CDH4: variants seen among roughly 807,000 people sequenced by gnomAD.
CDH4 encodes the protein cadherin-4.
CDH4 carries 33 observed loss-of-function variants against 86.0 expected under a neutral mutation model. The observed-to-expected ratio is 0.38, with a 90% confidence interval of 0.29 to 0.51. The LOEUF is 0.51. CDH4 is among the 20% of genes least tolerant of loss of function. The pLI, the probability that CDH4 is intolerant of heterozygous loss-of-function variation, is 0.86. For missense variants in CDH4, 1,114 were observed against 1,307.4 expected, an observed-to-expected ratio of 0.85 and a Z score of 2.28; for synonymous variants, 555 against 549.4, an observed-to-expected ratio of 1.01 and a Z score of -0.14.
chr20:61,597,792 A>C (rs2086567810), intron 2 of CDH4, among the ~76,000 whole-genome samples: 1 of 152,114 alleles, frequency 6.6e-6, no homozygotes, highest in Non-Finnish European at 1.5e-5. Flanking sequence ...TGTTCATCCA[A>C]AGTGGACAAA....
chr20:61,401,000 ATC>A (rs549870706), intron 2 of CDH4, among the ~76,000 whole-genome samples: 13 of 152,172 alleles, frequency 8.5e-5, no homozygotes, highest in Non-Finnish European at 1.6e-4. Flanking sequence ...CAACCCTGTC[ATC>A]TTCCACCCAT....
chr20:61,753,854 G>A (rs1050431477), intron 3 of CDH4, among the ~76,000 whole-genome samples: 17 of 152,118 alleles, frequency 1.1e-4, no homozygotes, highest in Admixed American at 9.2e-4. Flanking sequence ...CCTTTGGGCT[G>A]AACTATGTCC....
At chr20:61,606,467 G>T (rs999912543) in intron 2 of CDH4, among the ~76,000 whole-genome samples, 3 of 152,204 alleles carry the variant, frequency 2.0e-5, no homozygotes, top group African/African-American at 7.2e-5. Context: ...CACCTCTGTC[G>T]CAAAGCCTGA....
chr20:61,745,665 G>A (rs952430855), intron 3 of CDH4, among the ~76,000 whole-genome samples: 1 of 152,218 alleles, frequency 6.6e-6, no homozygotes, highest in Non-Finnish European at 1.5e-5. Context: ...GGTGAGCAAG[G>A]CAGGCCCTTG....
chr20:61,602,139 A>G (rs2086606126), intron 2 of CDH4, among the ~76,000 whole-genome samples: 1 of 152,188 alleles, frequency 6.6e-6, no homozygotes. Context: ...TGAATGCAGC[A>G]GGTCCTCATC....
Position 61,680,092 on chromosome 20 carries a change from C to G in CDH4, c.170-63471C>G, listed in dbSNP as rs182920131. 2.0e-3 allele frequency among the ~76,000 whole-genome samples: 310 copies of G among 152,328 alleles called. 1 individual carries two copies. The highest frequency in any genetic ancestry group is 7.7e-3 in the South Asian group (37 of 4,822). ...AGCCATGGAGGACCCTGCCCCAGGG[C>G]TGCACCCTGCATCCTGAAGCGAGGA... On this transcript the variant is annotated intron_variant, in intron 2 of 15. Coordinates refer to ENST00000614565, the MANE Select transcript of CDH4 (RefSeq NM_001794.5).
chr20:61,716,938 A>G (rs1180572529), intron 2 of CDH4, among the ~76,000 whole-genome samples: 4 of 152,072 alleles, frequency 2.6e-5, no homozygotes, highest in African/African-American at 9.7e-5. Flanking sequence ...AATAAAATCC[A>G]AGGTCCTTGA....
intron 2 of CDH4, among the ~76,000 whole-genome samples, chr20:61,463,053 A>T (rs1600696500): frequency 6.6e-6 from 1 of 152,194 alleles, no homozygotes; most frequent in East Asian, 1.9e-4. Flanking sequence ...CATGGCAGTG[A>T]ATAAGTCTCA....
chr20:61,832,068 T>C (rs1981646518), intron 4 of CDH4, among the ~76,000 whole-genome samples: 1 of 152,204 alleles, frequency 6.6e-6, no homozygotes, highest in African/African-American at 2.4e-5. Flanking sequence ...CCAGGCCTGG[T>C]AGATGTACCC....
chr20:61,710,774 T>C (rs531618772), intron 2 of CDH4, among the ~76,000 whole-genome samples: 3 of 152,338 alleles, frequency 2.0e-5, no homozygotes, highest in African/African-American at 7.2e-5. Flanking sequence ...TGCTCACTTA[T>C]TCACTCAACA....
chr20:61,784,587 G>A (rs73611573), intron 4 of CDH4, among the ~76,000 whole-genome samples: 8,151 of 31,988 alleles, frequency 0.25, 120 homozygotes, highest in East Asian at 0.31. Context: ...AGTTCCTCGG[G>A]ACAGTTCTCC....
rs2085704650 is a variant in CDH4, at chr20:61,501,971, A to G, written c.170-241592A>G. On this transcript the variant is annotated intron_variant, in intron 2 of 15. Transcript: ENST00000614565. This position sits in a 1 kb window ranked among gnomAD's most constrained non-coding sequence, Gnocchi z 4.2. Reference sequence around the variant, plus strand: ...GTAAGATGAACCGAGTGGGCACGTTAGCCCAGGCCGTTACCCTTTAGTGGG... The same window carrying G: ...GTAAGATGAACCGAGTGGGCACGTTGGCCCAGGCCGTTACCCTTTAGTGGG... Among the ~76,000 whole-genome samples, 1 of 152,124 alleles carries G rather than the reference A, an allele frequency of 6.6e-6. No homozygotes were observed. The highest frequency in any genetic ancestry group is 2.4e-5 in the African/African-American group (1 of 41,414).
At chr20:61,553,103 TATAAAG>T (rs2145675864) in intron 2 of CDH4, among the ~76,000 whole-genome samples, 1 of 152,286 alleles carries the variant, frequency 6.6e-6, no homozygotes, top group East Asian at 1.9e-4. Context: ...TATTCAGCCA[TATAAAG>T]GAATGAAGTC....
At chr20:61,831,034 G>T (rs760003203) in intron 4 of CDH4, among the ~76,000 whole-genome samples, 4 of 152,138 alleles carry the variant, frequency 2.6e-5, no homozygotes, top group African/African-American at 7.2e-5. Flanking sequence ...AGAGGGCCGG[G>T]GTCTCGCCCC....
chr20:61,265,903 C>T (rs1484874668), intron 2 of CDH4, among the ~76,000 whole-genome samples: 1 of 152,218 alleles, frequency 6.6e-6, no homozygotes, highest in Non-Finnish European at 1.5e-5. Context: ...AATTAGGACT[C>T]AGAGGGGCAG....
At chr20:61,429,637 A>G (rs1295678243) in intron 2 of CDH4, among the ~76,000 whole-genome samples, 1 of 137,776 alleles carries the variant, frequency 7.3e-6, no homozygotes, top group African/African-American at 2.8e-5. Flanking sequence ...GTGGGTGGAT[A>G]GATGGGTGGG....
intron 2 of CDH4, among the ~76,000 whole-genome samples, chr20:61,446,919 T>C (rs192965604): frequency 6.6e-6 from 1 of 152,352 alleles, no homozygotes; most frequent in East Asian, 1.9e-4. Context: ...AAGCTGAATT[T>C]TTATTGCCAA....
chr20:61,749,270 G>A (rs2088457873), intron 3 of CDH4, among the ~76,000 whole-genome samples: 1 of 152,076 alleles, frequency 6.6e-6, no homozygotes, highest in African/African-American at 2.4e-5. Flanking sequence ...TGCAATCAGT[G>A]GTCAATTTTA....
chr20:61,811,309 A>G lies in CDH4; in HGVS notation c.577-33359A>G, dbSNP rs781474562. On this transcript the variant is annotated intron_variant, in intron 4 of 15. Transcript: ENST00000614565. The surrounding 1 kb of genome is among the most constrained non-coding windows in gnomAD (Gnocchi z 4.4). The stretch of plus-strand genomic sequence containing the variant: ...GCTGGGATCCACATGCCGGCAGCCC[A>G]AGACCGCCCTCATCGGGGGTGGGAA... 6.6e-6 allele frequency among the ~76,000 whole-genome samples: 1 copy of G among 152,210 alleles called. No individual in the cohort carries two copies. The highest frequency in any genetic ancestry group is 1.5e-5 in the Non-Finnish European group (1 of 68,036).
Sources: gnomAD v4.1 joint callset for allele counts (sites outside exome capture counted in the v4.1 genomes callset) on GRCh38, gnomAD v4.1.1 for gene constraint, Gnocchi (gnomAD v3.1) non-coding constraint, MANE v1.5 for transcripts, NCBI Gene and HGNC (gene_info 2026-07-23, HGNC 2026-07-21) for gene names.